Variants in LOXL3 observed in about 807,000 individuals in gnomAD.
The protein encoded by LOXL3 is lysyl oxidase homolog 3.
Under a neutral mutation model 91.8 loss-of-function variants are expected in LOXL3, and 60 were observed. The observed-to-expected ratio is 0.65, with a 90% CI of 0.53 to 0.81. The LOEUF is 0.81. LOXL3 is among the 30% of genes least tolerant of loss of function. The pLI is 0.00. For synonymous variants in LOXL3, 355 were observed against 387.6 expected, an observed-to-expected ratio of 0.92 and a Z score of 0.99; for missense variants, 874 against 1,000.4, an observed-to-expected ratio of 0.87 and a Z score of 1.70.
chr2:74,539,158 A>G (rs1157061710), intron 4 of LOXL3, among the ~76,000 whole-genome samples: 1 of 152,160 alleles, frequency 6.6e-6, no homozygotes, highest in South Asian at 2.1e-4. Flanking sequence ...TTTGACTTTA[A>G]GCTTGGTGAT....
In LOXL3 at chr2:74,549,239, C is replaced by T; in HGVS notation, c.692+130G>A. 1.9e-6 allele frequency: 2 copies of T among 1,048,764 alleles called. No homozygotes were observed. Among genetic ancestry groups the T allele is most frequent in the Admixed American group, 6.1e-5 (2 of 32,768 alleles). 65.0% of individuals were successfully genotyped at this position (1,048,764 alleles called of 1,614,324 possible). On this transcript the variant is annotated intron_variant, in intron 4 of 13. Coordinates refer to ENST00000264094, the MANE Select transcript of LOXL3 (RefSeq NM_032603.5). The surrounding 1 kb of genome is among the most constrained non-coding windows in gnomAD (Gnocchi z 5.3). ...CAACTCTCCAGCTTTGCAACGGCCT[C>T]CATATTTTCCCGCGCGTCCCGACCC...
In LOXL3 at chr2:74,534,735, T is replaced by A; in HGVS notation, c.1619A>T (p.Glu540Val). 2.5e-6 allele frequency: 4 copies of A among 1,614,114 alleles called. No homozygotes were observed. Among genetic ancestry groups the A allele is most frequent in the Non-Finnish European group, 3.4e-6 (4 of 1,180,034 alleles). The change falls in exon 10 of 14, where the codon GAG becomes GTG. Residue 540 changes from glutamate (E) to valine (V), a missense_variant. Physicochemically the swap from Glu to Val is moderately radical, Grantham distance 121 (BLOSUM62 -2). Coordinates refer to ENST00000264094, the MANE Select transcript of LOXL3 (RefSeq NM_032603.5). ...GGGCCGGTCTTCGATGTAGGCGGTCTCCTGCACCAGTGCTGAGTGCAGCAA... is the reference window on the plus strand; with the variant it reads ...GGGCCGGTCTTCGATGTAGGCGGTCACCTGCACCAGTGCTGAGTGCAGCAA... ...DLLLHSALVQ[E>V]TAYIEDRPLH...
At chr2:74,552,909 G>T (rs1280694357) in intron 1 of LOXL3, 5 of 423,282 alleles carry the variant, frequency 1.2e-5, no homozygotes, top group Admixed American at 8.1e-5. Flanking sequence ...GTCAGAGAAG[G>T]GTCAATAAAA....
chr2:74,532,853 C>T lies in LOXL3; in HGVS notation c.*753G>A. ...TGCGGCCTGGTGATGTGATTTTGGC[C>T]ATTGGGGAGCAGATGGTACAAAATG... is the stretch of plus-strand genomic sequence containing the variant. On this transcript the variant is annotated 3_prime_UTR_variant, in exon 14 of 14. Coordinates refer to ENST00000264094, the MANE Select transcript of LOXL3 (RefSeq NM_032603.5). The T allele has an allele frequency of 3.1e-6, 5 of 1,614,032 alleles. No individual in the cohort carries two copies. Among genetic ancestry groups the T allele is most frequent in the Non-Finnish European group, 4.2e-6 (5 of 1,180,018 alleles).
At chr2:74,537,739 G>C (rs1676106760) in intron 4 of LOXL3, among the ~76,000 whole-genome samples, 1 of 152,334 alleles carries the variant, frequency 6.6e-6, no homozygotes, top group Admixed American at 6.5e-5. Flanking sequence ...CTGAACTATA[G>C]ATGCTAAGGC....
chr2:74,554,817 A>C (rs1433376295), upstream of LOXL3: 1 of 1,613,962 alleles, frequency 6.2e-7, no homozygotes, highest in Non-Finnish European at 8.5e-7. The surrounding 1 kb of genome is among the most constrained non-coding windows in gnomAD (Gnocchi z 4.9). Context: ...GGACCAAGGT[A>C]GTCTGGCGCA....
upstream of LOXL3, chr2:74,555,360 C>G (rs369712640): frequency 1.9e-5 from 31 of 1,613,784 alleles, no homozygotes; most frequent in Non-Finnish European, 2.5e-5. This position sits in a 1 kb window ranked among gnomAD's most constrained non-coding sequence, Gnocchi z 6.1. Context: ...CCACTGCCTT[C>G]CGCCTGGACA....
At chr2:74,547,678 GAAAA>G (rs77059684) in intron 4 of LOXL3, among the ~76,000 whole-genome samples, 2 of 89,736 alleles carry the variant, frequency 2.2e-5, no homozygotes, top group African/African-American at 8.1e-5. Context: ...ACTTTCAAAA[GAAAA>G]AAAAAAAAGG....
At position 74,548,866 on chromosome 2, in the gene LOXL3, G is replaced by A. The variant is rs372042291; in HGVS notation, c.692+503C>T. ...GCGTTCACATACGCGCCCCGCCCCG[G>A]GGCGGCCCGGGCAGAGAGACTGGCG... On this transcript the variant is annotated intron_variant, in intron 4 of 13. Transcript: ENST00000264094. Among the ~76,000 whole-genome samples the A allele has an allele frequency of 1.1e-4, 16 of 151,888 alleles. No homozygotes were observed. In the East Asian group the frequency reaches 2.6e-3, roughly 24 times the overall value.
chr2:74,553,320 C>T (rs968267653), intron 1 of LOXL3, among the ~76,000 whole-genome samples: 3 of 152,162 alleles, frequency 2.0e-5, no homozygotes, highest in African/African-American at 7.2e-5. Flanking sequence ...CACCAAAGCT[C>T]GCCTGGAGAA....
At chr2:74,548,605 AGTGAGAGG>A (rs1263327411) in intron 4 of LOXL3, among the ~76,000 whole-genome samples, 2 of 152,300 alleles carry the variant, frequency 1.3e-5, no homozygotes, top group Middle Eastern at 3.4e-3. Flanking sequence ...AATAGATTAC[AGTGAGAGG>A]GTGTAAAGAT....
intron 4 of LOXL3, among the ~76,000 whole-genome samples, chr2:74,545,684 C>G (rs1462518482): frequency 6.6e-6 from 1 of 152,140 alleles, no homozygotes; most frequent in East Asian, 1.9e-4. Context: ...TACTTGGCTC[C>G]CAGGCCACCA....
intron 4 of LOXL3, among the ~76,000 whole-genome samples, chr2:74,537,507 G>A (rs970779270): frequency 4.6e-5 from 7 of 152,194 alleles, no homozygotes; most frequent in Non-Finnish European, 7.3e-5. Flanking sequence ...GCAGGTAGAC[G>A]CAAGAAAAAC....
rs1407675367 is a variant in LOXL3 at position 74,532,641 on chromosome 2, C to A, written c.*965G>T. The A allele has an allele frequency of 6.2e-7, 1 of 1,613,442 alleles. No individual in the cohort carries two copies. The highest frequency in any genetic ancestry group is 8.5e-7 in the Non-Finnish European group (1 of 1,180,006). On this transcript the variant is annotated 3_prime_UTR_variant, in exon 14 of 14. Coordinates refer to ENST00000264094, the MANE Select transcript of LOXL3 (RefSeq NM_032603.5). The stretch of plus-strand genomic sequence containing the variant: ...CAGCATCCTTGCTGAACTACAGCTT[C>A]GAGAACCAAGCTTTCCCGATGTTCA...
Position 74,552,636 on chromosome 2 carries a change from G to T in LOXL3, c.-2C>A, listed in dbSNP as rs1173614236. Reference sequence around the variant, plus strand: ...CTGCCAGACACTGACAGGTCGCATGGCAGGGAAGGCCTGGGTGCCCCAGAG... The same window carrying T: ...CTGCCAGACACTGACAGGTCGCATGTCAGGGAAGGCCTGGGTGCCCCAGAG... On this transcript the variant is annotated 5_prime_UTR_variant, in exon 2 of 14. Coordinates refer to ENST00000264094, the MANE Select transcript of LOXL3 (RefSeq NM_032603.5). 1.3e-6 allele frequency: 2 copies of T among 1,542,960 alleles called. No individual in the cohort carries two copies. The highest frequency in any genetic ancestry group is 1.4e-5 in the African/African-American group (1 of 73,218).
At position 74,547,390 on chromosome 2, in the gene LOXL3, C is replaced by T. The variant is rs375111806; in HGVS notation, c.692+1979G>A. ...GTGAGTGGATCTCTACACCTTTGTT[C>T]ACGCTATCTTCTTCACTGGAAATGT... On this transcript the variant is annotated intron_variant, in intron 4 of 13. Transcript: ENST00000264094. Among the ~76,000 whole-genome samples the T allele has an allele frequency of 1.1e-4, 17 of 152,266 alleles. No homozygotes were observed. The East Asian group carries it at 3.1e-3, about 28-fold the overall frequency.
At chr2:74,554,778 G>A (rs1420738518), upstream of LOXL3, 1 of 1,613,996 alleles carries the variant, frequency 6.2e-7, no homozygotes, top group Admixed American at 1.7e-5. The surrounding 1 kb of genome is among the most constrained non-coding windows in gnomAD (Gnocchi z 4.9). Context: ...TGATGGAAGG[G>A]CCGCTTTTTT....
Position 74,549,570 on chromosome 2 carries a change from A to G in LOXL3, c.491T>C (p.Leu164Pro), listed in dbSNP as rs1195206226. 5 of 1,609,296 alleles carry G rather than the reference A, an allele frequency of 3.1e-6. No homozygotes were observed. The South Asian group carries it at 5.5e-5, about 18-fold the overall frequency. ...DSNVIEVEHH[L>P]QVEEVRIRPA... ...TCGAATTCGCACCTCCTCCACTTGC[A>G]GGTGATGCTCTACCTGGGGGCGGGG... The change falls in exon 4 of 14, where the codon CTG (leucine) becomes CCG (proline). Residue 164 changes from leucine (L) to proline (P), a missense_variant. Coordinates refer to ENST00000264094, the MANE Select transcript of LOXL3 (RefSeq NM_032603.5). This position sits in a 1 kb window ranked among gnomAD's most constrained non-coding sequence, Gnocchi z 5.3.
intron 4 of LOXL3, among the ~76,000 whole-genome samples, chr2:74,539,127 CCT>C (rs1676177290): frequency 6.6e-6 from 1 of 152,180 alleles, no homozygotes; most frequent in African/African-American, 2.4e-5. Flanking sequence ...TGTGTGGCCC[CCT>C]GACCACTCGG....
Sources: gnomAD v4.1 joint callset for allele counts (sites outside exome capture counted in the v4.1 genomes callset) on GRCh38, gnomAD v4.1.1 for gene constraint, Gnocchi (gnomAD v3.1) non-coding constraint, MANE v1.5 for transcripts, NCBI Gene and HGNC (gene_info 2026-07-23, HGNC 2026-07-21) for gene names.